EZR: variants seen among roughly 807,000 people sequenced by gnomAD.
The protein encoded by EZR is cytovillin 2.
A neutral mutation model predicts 74.8 loss-of-function variants in EZR; 40 were observed. The ratio of observed to expected loss-of-function variants is 0.53; its 90% CI spans 0.42 to 0.70. The LOEUF (loss-of-function observed/expected upper bound fraction) is 0.70. Among genes scored for constraint, EZR ranks in the 30% least tolerant of loss-of-function variants. The pLI, the probability that EZR is intolerant of heterozygous loss-of-function variation, is 0.00. For missense variants in EZR, 678 were observed against 755.8 expected (o/e 0.90, Z 1.21); for synonymous variants, 341 against 283.3 (o/e 1.20, Z -2.05).
At chr6:158,812,296 G>A (rs759515137) in intron 2 of EZR, among the ~76,000 whole-genome samples, 1 of 152,152 alleles carries the variant, frequency 6.6e-6, no homozygotes, top group African/African-American at 2.4e-5. Context: ...TGGGTGCTCT[G>A]AAATCACACT....
chr6:158,793,799 T>G (rs1044458353), intron 2 of EZR, among the ~76,000 whole-genome samples: 1 of 152,234 alleles, frequency 6.6e-6, no homozygotes, highest in Admixed American at 6.5e-5. Context: ...GGCACTGCCT[T>G]ACCCTACTGC....
chr6:158,806,480 CTT>C (rs10706390), intron 2 of EZR, among the ~76,000 whole-genome samples: 91 of 141,154 alleles, frequency 6.4e-4, no homozygotes, highest in African/African-American at 7.2e-4. Flanking sequence ...ACCACTTTCA[CTT>C]TTTTTTTTTT....
In EZR at chr6:158,787,180, C is replaced by G. The variant is rs372817954; in HGVS notation, c.120G>C (p.Arg40=). ...AGTGGAGGCCAAAGTACCACACTTC[C>G]CGGAGGCCGATAGTCTTTACCACCT... The part of the protein sequence containing the change: ...FDQVVKTIGL[R]EVWYFGLHYV... Residue 40 remains arginine, a synonymous_variant, in exon 4 of 14, where the codon CGG becomes CGC. Transcript: ENST00000367075. 173 of 1,613,046 alleles carry G rather than the reference C, an allele frequency of 1.1e-4. No individual in the cohort carries two copies. The highest frequency in any genetic ancestry group is 1.4e-4 in the Non-Finnish European group (168 of 1,179,238).
At chr6:158,803,621 AT>A (rs1777261436) in intron 2 of EZR, among the ~76,000 whole-genome samples, 1 of 20,034 alleles carries the variant, frequency 5.0e-5, no homozygotes, top group African/African-American at 1.9e-4. Flanking sequence ...ATATATATAT[AT>A]ATACATATAC....
chr6:158,790,074 A>G (rs1228569574), intron 2 of EZR, among the ~76,000 whole-genome samples: 2 of 152,242 alleles, frequency 1.3e-5, no homozygotes, highest in Non-Finnish European at 2.9e-5. Context: ...TTGAATCAGA[A>G]GGTTTGAAGC....
chr6:158,779,656 C>T (rs927267900), intron 7 of EZR, among the ~76,000 whole-genome samples: 11 of 152,074 alleles, frequency 7.2e-5, no homozygotes, highest in African/African-American at 2.7e-4. Flanking sequence ...CTCCGCCTCC[C>T]GGGCTCAAGT....
At chr6:158,803,746 C>A (rs1777269689) in intron 2 of EZR, among the ~76,000 whole-genome samples, 1 of 149,674 alleles carries the variant, frequency 6.7e-6, no homozygotes, top group African/African-American at 2.5e-5. Context: ...TCCTAAATAG[C>A]TCTCCTTTTT....
rs752053328 is a variant in EZR, at chr6:158,771,266, T to G, written c.937A>C (p.Lys313Gln). ...CACCGCTCCAGCTGCTTCTGATGCT[T>G]CTCCTCCCGGGCCTGGGCCTTCATC... ...QQMKAQAREEKHQKQLERQQL... is the reference protein window; with the variant it reads ...QQMKAQAREEQHQKQLERQQL... The change falls in exon 9 of 14, where the codon AAG becomes CAG. Residue 313 changes from lysine to glutamine, a missense_variant. By Grantham distance (53) the Lys-to-Gln change is moderately conservative. This residue lies in a region of EZR where 119 missense variants were observed against 182.3 expected (regional missense o/e 0.65). Transcript: ENST00000367075. The G allele has an allele frequency of 1.2e-6, 2 of 1,613,602 alleles. No homozygotes were observed. The highest frequency in any genetic ancestry group is 1.7e-6 in the Non-Finnish European group (2 of 1,179,750).
chr6:158,777,547 C>G (rs1012434929), intron 7 of EZR, among the ~76,000 whole-genome samples: 2 of 152,214 alleles, frequency 1.3e-5, no homozygotes, highest in African/African-American at 4.8e-5. Context: ...AACGACAAAT[C>G]CTCAAAACCA....
chr6:158,816,107 G>A (rs965881597), intron 2 of EZR, among the ~76,000 whole-genome samples: 1 of 152,192 alleles, frequency 6.6e-6, no homozygotes, highest in Non-Finnish European at 1.5e-5. Context: ...CCACCTGCAT[G>A]AGGTATCTAA....
At chr6:158,806,477 TCA>T (rs1453055959) in intron 2 of EZR, among the ~76,000 whole-genome samples, 1 of 132,182 alleles carries the variant, frequency 7.6e-6, no homozygotes, top group Non-Finnish European at 1.7e-5. Context: ...TCTACCACTT[TCA>T]CTTTTTTTTT....
chr6:158,818,378 C>T (rs1455159122), intron 1 of EZR, among the ~76,000 whole-genome samples: 2 of 150,422 alleles, frequency 1.3e-5, no homozygotes, highest in Non-Finnish European at 1.5e-5. Flanking sequence ...CGCCCGAGAG[C>T]GGGGGCGCGC....
Position 158,770,859 on chromosome 6 carries a change from G to C in EZR, c.995C>G (p.Thr332Ser). ...CATCTGCTCTTTCTCTCTCTCCACG[G>C]TTTCTCTCCTTTTCTTCTCTGTTTC... is the stretch of plus-strand genomic sequence containing the variant. ...QLETEKKRRE[T>S]VEREKEQMMR... is the part of the protein sequence containing the mutation. The change falls in exon 10 of 14, where the codon ACC (threonine) becomes AGC (serine). Residue 332 changes from threonine to serine, a missense_variant. Thr to Ser is a moderately conservative substitution (Grantham distance 58, BLOSUM62 1). Transcript: ENST00000367075. The C allele has an allele frequency of 6.2e-7, 1 of 1,614,126 alleles. No individual in the cohort carries two copies.
chr6:158,774,672 A>AACACACACACACACACAC (rs56400693), intron 8 of EZR, among the ~76,000 whole-genome samples: 14 of 142,516 alleles, frequency 9.8e-5, no homozygotes, highest in East Asian at 6.5e-4. Flanking sequence ...CTTATCATCA[A>AACACACACACACACACAC]ACACACACAC....
At position 158,769,893 on chromosome 6, in the gene EZR, C is replaced by A. The variant is rs142824813; in HGVS notation, c.1142G>T (p.Arg381Leu). The A allele has an allele frequency of 9.3e-6, 15 of 1,613,288 alleles. No homozygotes were observed. The highest frequency in any genetic ancestry group is 1.3e-5 in the Non-Finnish European group (15 of 1,180,038). The stretch of plus-strand genomic sequence containing the variant: ...TAGGCGCTCGGCCTCCTCCTGTGCC[C>A]GCTTCCTCTCCTCCTCCAGCTGCAG... ...RALQLEEERK[R>L]AQEEAERLEA... The change falls in exon 11 of 14, where the codon CGG (arginine) becomes CTG (leucine). Residue 381 changes from arginine (R) to leucine (L), a missense_variant. Coordinates refer to ENST00000367075, the MANE Select transcript of EZR (RefSeq NM_001111077.2).
At chr6:158,786,205 C>G (rs1791579126) in intron 4 of EZR, among the ~76,000 whole-genome samples, 1 of 152,122 alleles carries the variant, frequency 6.6e-6, no homozygotes. Flanking sequence ...AACCCCATCT[C>G]TACTAAAAAT....
At chr6:158,805,886 A>T (rs1325005078) in intron 2 of EZR, among the ~76,000 whole-genome samples, 1 of 152,080 alleles carries the variant, frequency 6.6e-6, no homozygotes, top group Non-Finnish European at 1.5e-5. Context: ...CCACAGCCCC[A>T]GTATGTAGAT....
At chr6:158,785,893 T>TA (rs989405652) in intron 4 of EZR, among the ~76,000 whole-genome samples, 1 of 151,440 alleles carries the variant, frequency 6.6e-6, no homozygotes, top group Non-Finnish European at 1.5e-5. Context: ...CAACATTTTT[T>TA]AAAAAAAAGT....
At position 158,767,078 on chromosome 6, in the gene EZR, T is replaced by A; in HGVS notation, c.1597A>T (p.Thr533Ser). ...GCCTGGGACAGCTCGCTGCTCAGCG[T>A]CTGTAACATTAAGCAGCATTGGTCT... The part of the protein sequence containing the change: ...KNERVQRQLL[T>S]LSSELSQARD... Residue 533 changes from threonine to serine, a missense_variant and splice_region_variant, in exon 14 of 14, where the codon ACG becomes TCG. Around this residue, in one of 3 missense-constraint regions of EZR, gnomAD observed 342 missense variants for 341.2 expected, o/e 1.00. Coordinates refer to ENST00000367075, the MANE Select transcript of EZR (RefSeq NM_001111077.2). The A allele has an allele frequency of 6.2e-7, 1 of 1,614,106 alleles. No homozygotes were observed.
Sources: allele counts gnomAD v4.1 joint callset (sites outside exome capture counted in the v4.1 genomes callset), GRCh38; gene constraint gnomAD v4.1.1; regional missense constraint gnomAD v4.1.1; transcripts MANE v1.5; gene names NCBI Gene and HGNC (gene_info 2026-07-23, HGNC 2026-07-21).